MDGA2: variants seen among roughly 807,000 people sequenced by gnomAD.
The protein encoded by MDGA2 is MAM domain-containing glycosylphosphatidylinositol anchor protein 2.
A neutral mutation model predicts 117.8 loss-of-function variants in MDGA2; 40 were observed. The ratio of observed to expected loss-of-function variants is 0.34; its 90% CI spans 0.26 to 0.44. MDGA2 has a LOEUF of 0.44. Ranked by LOEUF, MDGA2 falls within the 20% of genes least tolerant of loss-of-function variation. The pLI is 1.00. For synonymous variants in MDGA2, 452 were observed against 439.0 expected (o/e 1.03, Z -0.37); for missense variants, 1,123 against 1,250.6 (o/e 0.90, Z 1.54).
intron 1 of MDGA2, among the ~76,000 whole-genome samples, chr14:47,462,237 G>A (rs1893502784): frequency 6.6e-6 from 1 of 151,266 alleles, no homozygotes; most frequent in Admixed American, 6.6e-5. Context: ...TTAGCTGGGC[G>A]TGGTGGCGGG....
intron 1 of MDGA2, among the ~76,000 whole-genome samples, chr14:47,374,411 G>A (rs190655709): frequency 1.4e-3 from 216 of 152,132 alleles, no homozygotes; most frequent in Middle Eastern, 6.8e-3. Flanking sequence ...AAGCAAGATT[G>A]CCAGACCGTA....
intron 1 of MDGA2, among the ~76,000 whole-genome samples, chr14:47,532,088 T>C (rs1235765649): frequency 6.6e-6 from 1 of 152,150 alleles, no homozygotes; most frequent in African/African-American, 2.4e-5. Context: ...AGGCTAACAG[T>C]GCAAAGTGAG....
chr14:47,661,746 CTTTTTT>C (rs1172717995), intron 1 of MDGA2, among the ~76,000 whole-genome samples: 14 of 97,208 alleles, frequency 1.4e-4, no homozygotes, highest in African/African-American at 4.4e-4. Context: ...ATCAGAGTTT[CTTTTTT>C]TTTTTTTTTT....
chr14:46,868,897 G>A (rs767412056), intron 14 of MDGA2, among the ~76,000 whole-genome samples: 23 of 151,998 alleles, frequency 1.5e-4, no homozygotes, highest in Non-Finnish European at 3.2e-4. Flanking sequence ...ATTGCAGCTA[G>A]AAATCTATCA....
At chr14:47,095,365 G>A (rs957204099) in intron 6 of MDGA2, among the ~76,000 whole-genome samples, 1 of 151,858 alleles carries the variant, frequency 6.6e-6, no homozygotes, top group Non-Finnish European at 1.5e-5. Flanking sequence ...ATATCGTATA[G>A]AAAACCATGA....
intron 1 of MDGA2, among the ~76,000 whole-genome samples, chr14:47,301,960 T>C (rs1445504941): frequency 6.6e-6 from 1 of 152,188 alleles, no homozygotes; most frequent in African/African-American, 2.4e-5. Flanking sequence ...TGGAAGACAT[T>C]GACATTTGTC....
At chr14:47,444,486 G>A (rs865787653) in intron 1 of MDGA2, 2 of 194,724 alleles carry the variant, frequency 1.0e-5, no homozygotes, top group Admixed American at 9.4e-5. Context: ...GGACAATCAT[G>A]AGCACCATTA....
chr14:46,953,466 C>T (rs1319952572), intron 9 of MDGA2, among the ~76,000 whole-genome samples: 1 of 151,892 alleles, frequency 6.6e-6, no homozygotes, highest in Admixed American at 6.6e-5. Flanking sequence ...CTACTTTTAT[C>T]TCCTGGATTA....
At chr14:46,883,669 C>T (rs778142357) in intron 10 of MDGA2, among the ~76,000 whole-genome samples, 27 of 152,014 alleles carry the variant, frequency 1.8e-4, no homozygotes, top group Non-Finnish European at 3.4e-4. Flanking sequence ...CTTCCATATG[C>T]ATATACACTT....
chr14:47,557,279 C>G (rs1296025283), intron 1 of MDGA2, among the ~76,000 whole-genome samples: 7 of 152,038 alleles, frequency 4.6e-5, no homozygotes, highest in African/African-American at 1.7e-4. Context: ...GTAAAATTTA[C>G]AGAACTTTGA....
chr14:47,584,715 G>GT (rs945970888), intron 1 of MDGA2, among the ~76,000 whole-genome samples: 2 of 151,658 alleles, frequency 1.3e-5, no homozygotes, highest in Admixed American at 1.3e-4. Context: ...CCAATCTTCA[G>GT]TGATTTCTTT....
In MDGA2 at chr14:47,590,344, T is replaced by C. The variant is rs377389484; in HGVS notation, c.280+84173A>G. Among the ~76,000 whole-genome samples, 163 of 151,954 alleles carry C rather than the reference T, an allele frequency of 1.1e-3. 2 individuals are homozygous for C. The South Asian group carries it at 0.031, about 29-fold the overall frequency. On this transcript the variant is annotated intron_variant, in intron 1 of 16. Transcript: ENST00000399232. ...ACATTTCAGGAGATGTAGTTATCAC[T>C]TATTAGTAGAAATAAAAGACCATGG...
intron 2 of MDGA2, among the ~76,000 whole-genome samples, chr14:47,268,484 TA>T (rs1468593918): frequency 6.6e-6 from 1 of 152,092 alleles, no homozygotes; most frequent in African/African-American, 2.4e-5. Flanking sequence ...ACTGACTATT[TA>T]AAAAACAGAA....
intron 2 of MDGA2, among the ~76,000 whole-genome samples, chr14:47,221,457 G>T (rs925701151): frequency 5.3e-5 from 8 of 152,196 alleles, no homozygotes; most frequent in African/African-American, 1.9e-4. Context: ...GGGAGGCCGA[G>T]GCAGGCGGAT....
chr14:46,885,171 T>C (rs541701208), intron 10 of MDGA2, among the ~76,000 whole-genome samples: 14 of 152,074 alleles, frequency 9.2e-5, no homozygotes, highest in Non-Finnish European at 1.6e-4. Flanking sequence ...TTAAACAGAA[T>C]AGGGAAGGAT....
intron 1 of MDGA2, among the ~76,000 whole-genome samples, chr14:47,484,422 A>G (rs1354613716): frequency 6.6e-6 from 1 of 152,208 alleles, no homozygotes; most frequent in African/African-American, 2.4e-5. Context: ...TAATTGCTAA[A>G]TTAGTGCTTT....
At chr14:47,604,487 A>ACCCC (rs60602833) in intron 1 of MDGA2, among the ~76,000 whole-genome samples, 11 of 92,118 alleles carry the variant, frequency 1.2e-4, no homozygotes, top group Non-Finnish European at 1.5e-4. Context: ...CAGCTTCCCC[A>ACCCC]CCCCCCCCCA....
intron 4 of MDGA2, among the ~76,000 whole-genome samples, chr14:47,135,804 T>C (rs1440132271): frequency 1.3e-5 from 2 of 152,164 alleles, no homozygotes; most frequent in African/African-American, 4.8e-5. Context: ...TATCTTGAGG[T>C]ATCTCTTTAT....
chr14:47,153,468 G>T (rs1883239979), intron 3 of MDGA2, among the ~76,000 whole-genome samples: 1 of 152,052 alleles, frequency 6.6e-6, no homozygotes, highest in African/African-American at 2.4e-5. Context: ...GGGTGGAGTG[G>T]GATGGGAGTT....
Sources: gnomAD v4.1 joint callset for allele counts (sites outside exome capture counted in the v4.1 genomes callset) on GRCh38, gnomAD v4.1.1 for gene constraint, MANE v1.5 for transcripts, NCBI Gene and HGNC (gene_info 2026-07-23, HGNC 2026-07-21) for gene names.